RNF125: variants seen among roughly 807,000 people sequenced by gnomAD.
RNF125 encodes the protein E3 ubiquitin-protein ligase RNF125.
In RNF125, 21 loss-of-function variants were observed where a neutral mutation model predicts 26.0. The ratio of observed to expected loss-of-function variants is 0.81; its 90% confidence interval spans 0.57 to 1.16. The LOEUF (loss-of-function observed/expected upper bound fraction) is 1.16. Ranked by LOEUF, RNF125 falls within the 50% of genes most tolerant of loss-of-function variation. The pLI, the probability that RNF125 is intolerant of heterozygous loss-of-function variation, is 0.00. For synonymous variants in RNF125, 95 were observed against 109.2 expected, an observed-to-expected ratio of 0.87 and a Z score of 0.81; for missense variants, 270 against 299.4, an observed-to-expected ratio of 0.90 and a Z score of 0.72.
chr18:32,067,262 C>G (rs932489245), intron 5 of RNF125, among the ~76,000 whole-genome samples: 1 of 152,136 alleles, frequency 6.6e-6, no homozygotes, highest in African/African-American at 2.4e-5. Flanking sequence ...CAAGAGGTTT[C>G]TCTTTACCTT....
At chr18:32,090,365 C>T in the RNF125 span, among the ~76,000 whole-genome samples, 4 of 152,226 alleles carry the variant, frequency 2.6e-5, no homozygotes, top group African/African-American at 9.6e-5. Flanking sequence ...CTGCCCCTCT[C>T]GTCACGTGCT....
chr18:32,058,230 A>G (rs1326804844), intron 4 of RNF125, among the ~76,000 whole-genome samples: 2 of 151,750 alleles, frequency 1.3e-5, no homozygotes, highest in Non-Finnish European at 2.9e-5. Context: ...GTATATATTT[A>G]TGGGGCACAT....
downstream of RNF125, among the ~76,000 whole-genome samples, chr18:32,076,641 C>T (rs2039572646): frequency 6.6e-6 from 1 of 152,118 alleles, no homozygotes; most frequent in Admixed American, 6.5e-5. Context: ...TTCTAAAGGC[C>T]TTTCCATGCC....
At chr18:32,075,844 A>G (rs549128678), downstream of RNF125, 1,137 of 752,236 alleles carry the variant, frequency 1.5e-3, 11 homozygotes, top group Middle Eastern at 3.7e-3. Flanking sequence ...TTGTGTGTGT[A>G]TGTCCACGAG....
At position 32,045,805 on chromosome 18, in the gene RNF125, T is replaced by G. The variant is rs898058442; in HGVS notation, c.504+73T>G. 76 of 894,696 alleles carry G rather than the reference T, an allele frequency of 8.5e-5. No homozygotes were observed. In the South Asian group the frequency reaches 1.0e-3, roughly 12 times the overall value. 55.4% of individuals were successfully genotyped at this position (894,696 alleles called of 1,614,324 possible). ...ACATTAGGAAATCCATTTAATAGAT[T>G]TATATTTATAGATACCTTATAAAGG... On this transcript the variant is annotated intron_variant, in intron 4 of 5. Transcript: ENST00000217740.
intron 1 of RNF125, among the ~76,000 whole-genome samples, chr18:32,020,861 A>G (rs1458144747): frequency 1.3e-5 from 2 of 151,756 alleles, no homozygotes; most frequent in African/African-American, 4.8e-5. Flanking sequence ...GTGAGCTGAG[A>G]TGGCATCATT....
intron 1 of RNF125, among the ~76,000 whole-genome samples, chr18:32,023,120 T>C (rs962299960): frequency 2.6e-5 from 4 of 152,096 alleles, no homozygotes; most frequent in African/African-American, 9.7e-5. Context: ...TAGCTGGGAC[T>C]ATAAGTGCCT....
chr18:32,080,842 C>T, the RNF125 span, among the ~76,000 whole-genome samples: 1 of 152,190 alleles, frequency 6.6e-6, no homozygotes, highest in East Asian at 1.9e-4. Context: ...CGCCACTGCA[C>T]TCTAGCCTGG....
intron 4 of RNF125, among the ~76,000 whole-genome samples, chr18:32,050,865 C>CTTTGTTTTT (rs2039318365): frequency 2.2e-5 from 1 of 46,328 alleles, no homozygotes; most frequent in Non-Finnish European, 3.9e-5. Context: ...GTCTAGAGTG[C>CTTTGTTTTT]TTTTTTTTTT....
intron 4 of RNF125, among the ~76,000 whole-genome samples, chr18:32,051,007 GCCA>G (rs892771705): frequency 6.7e-6 from 1 of 148,584 alleles, no homozygotes; most frequent in Non-Finnish European, 1.5e-5. Flanking sequence ...ACAGGCATGA[GCCA>G]CCGCGCCTGG....
intron 4 of RNF125, among the ~76,000 whole-genome samples, chr18:32,050,515 T>G (rs570970866): frequency 7.2e-5 from 11 of 152,202 alleles, no homozygotes; most frequent in Non-Finnish European, 1.3e-4. Context: ...TATTTTTTAT[T>G]TTTGGTAAAG....
chr18:32,051,043 CT>C (rs1313666936), intron 4 of RNF125, among the ~76,000 whole-genome samples: 1 of 151,804 alleles, frequency 6.6e-6, no homozygotes, highest in Non-Finnish European at 1.5e-5. Flanking sequence ...CTTTCTTTCA[CT>C]GGTTGGCTCT....
chr18:32,022,191 G>T (rs1256057118), intron 1 of RNF125, among the ~76,000 whole-genome samples: 1 of 152,164 alleles, frequency 6.6e-6, no homozygotes, highest in Non-Finnish European at 1.5e-5. Context: ...TGTTGAACTA[G>T]GTGGTTTATG....
At chr18:32,040,747 C>T (rs780644046) in intron 2 of RNF125, among the ~76,000 whole-genome samples, 6 of 152,092 alleles carry the variant, frequency 3.9e-5, no homozygotes, top group Admixed American at 6.6e-5. Flanking sequence ...AGATAGTCCA[C>T]GGCTTGTTAA....
At chr18:32,067,027 C>G (rs2039491048) in intron 5 of RNF125, among the ~76,000 whole-genome samples, 1 of 152,068 alleles carries the variant, frequency 6.6e-6, no homozygotes, top group African/African-American at 2.4e-5. Flanking sequence ...CCGAGATGGG[C>G]GGATCATGAG....
chr18:32,023,942 C>T (rs908905936), intron 1 of RNF125, among the ~76,000 whole-genome samples: 4 of 152,122 alleles, frequency 2.6e-5, no homozygotes, highest in African/African-American at 9.7e-5. Context: ...ACTTTTGAAT[C>T]AGTATATCAA....
At chr18:32,041,859 T>C (rs1182456937) in intron 2 of RNF125, 5 of 215,186 alleles carry the variant, frequency 2.3e-5, no homozygotes, top group Non-Finnish European at 4.7e-5. Context: ...CTCGATCTCC[T>C]GACCTCGTGA....
At chr18:32,051,345 G>A (rs1248049330) in intron 4 of RNF125, among the ~76,000 whole-genome samples, 5 of 151,960 alleles carry the variant, frequency 3.3e-5, no homozygotes, top group East Asian at 2.0e-4. Context: ...GGCTGGGCGC[G>A]GTGGCTCACA....
At chr18:32,058,132 T>TAAA (rs780204451) in intron 4 of RNF125, among the ~76,000 whole-genome samples, 2 of 80,690 alleles carry the variant, frequency 2.5e-5, no homozygotes. Context: ...ACCCCATCTC[T>TAAA]AAAAAAAAAA....
Sources: gnomAD v4.1 joint callset for allele counts (sites outside exome capture counted in the v4.1 genomes callset) on GRCh38, gnomAD v4.1.1 for gene constraint, MANE v1.5 for transcripts, NCBI Gene and HGNC (gene_info 2026-07-23, HGNC 2026-07-21) for gene names.